The following PARD3 variants were observed in gnomAD, a reference collection of about 807,000 sequenced individuals.
PARD3 encodes the protein partitioning defective 3 homolog.
In PARD3, 75 loss-of-function variants were observed where a neutral mutation model predicts 155.4. That is an observed-to-expected ratio of 0.48 (90% confidence interval 0.40 to 0.58). The LOEUF (loss-of-function observed/expected upper bound fraction) is 0.58, where lower values mean the gene tolerates loss of function less well. Ranked by LOEUF, PARD3 falls within the 20% of genes least tolerant of loss-of-function variation. The probability of loss-of-function intolerance (pLI) is 0.00; values close to 1 mark genes in which losing one functional copy is unlikely to be tolerated. For missense variants in PARD3, 1,642 were observed against 1,721.7 expected (o/e 0.95, Z 0.82); for synonymous variants, 576 against 610.5 (o/e 0.94, Z 0.83).
At chr10:34,672,513 T>G (rs2093627376) in intron 2 of PARD3, among the ~76,000 whole-genome samples, 1 of 152,190 alleles carries the variant, frequency 6.6e-6, no homozygotes, top group African/African-American at 2.4e-5. Context: ...TTATATCCAC[T>G]TTGTATTAAT....
At chr10:34,739,983 TAC>T (rs1393380810) in intron 1 of PARD3, among the ~76,000 whole-genome samples, 2 of 152,078 alleles carry the variant, frequency 1.3e-5, no homozygotes, top group African/African-American at 4.8e-5. Context: ...TTCACCCTCC[TAC>T]ACACTGACCC....
Position 34,725,191 on chromosome 10 carries a change from C to T in PARD3, c.121-28772G>A, listed in dbSNP as rs536694476. 2.4e-4 allele frequency among the ~76,000 whole-genome samples: 37 copies of T among 151,684 alleles called. 1 individual carries two copies. Among genetic ancestry groups the T allele is most frequent in the African/African-American group, 8.7e-4 (36 of 41,332 alleles). ...AGAGAGAGACGGAGTCTCACTCTGT[C>T]GCCCAGGCTGGAGTGCAGTGGCGTG... On this transcript the variant is annotated intron_variant, in intron 1 of 24. Transcript: ENST00000374788.
chr10:34,740,283 G>C (rs757098147), intron 1 of PARD3, among the ~76,000 whole-genome samples: 1 of 152,200 alleles, frequency 6.6e-6, no homozygotes, highest in African/African-American at 2.4e-5. Flanking sequence ...AGAGGGCTCC[G>C]ACAGCCCTCC....
chr10:34,425,409 C>G (rs1037263283), intron 5 of PARD3, among the ~76,000 whole-genome samples: 1 of 152,104 alleles, frequency 6.6e-6, no homozygotes, highest in Non-Finnish European at 1.5e-5. Context: ...AAAATTCCAC[C>G]AATTTGCTTT....
chr10:34,740,257 G>A (rs2094985454), intron 1 of PARD3, among the ~76,000 whole-genome samples: 1 of 152,326 alleles, frequency 6.6e-6, no homozygotes, highest in East Asian at 1.9e-4. Context: ...GAGCCCCCTG[G>A]GAGCTGAGCT....
At chr10:34,218,107 A>G (rs1383802193) in intron 22 of PARD3, among the ~76,000 whole-genome samples, 1 of 152,160 alleles carries the variant, frequency 6.6e-6, no homozygotes, top group Non-Finnish European at 1.5e-5. Flanking sequence ...ATTCAAGACA[A>G]GGAAGGAACA....
intron 2 of PARD3, among the ~76,000 whole-genome samples, chr10:34,653,151 G>A (rs921001099): frequency 6.6e-6 from 1 of 152,070 alleles, no homozygotes; most frequent in Non-Finnish European, 1.5e-5. Flanking sequence ...TCAGAAAAAT[G>A]GTATTTTGGG....
At chr10:34,751,340 G>A (rs1440380909) in intron 1 of PARD3, among the ~76,000 whole-genome samples, 2 of 152,170 alleles carry the variant, frequency 1.3e-5, no homozygotes, top group African/African-American at 4.8e-5. Flanking sequence ...ACAGAGAGGT[G>A]CAGTGGCCAA....
intron 7 of PARD3, among the ~76,000 whole-genome samples, chr10:34,390,105 C>A (rs576283216): frequency 4.0e-5 from 6 of 151,874 alleles, no homozygotes; most frequent in Non-Finnish European, 8.8e-5. Flanking sequence ...AGTTAAATTG[C>A]GTTTTTTTCA....
chr10:34,629,954 A>G (rs561169826), intron 2 of PARD3, among the ~76,000 whole-genome samples: 1 of 152,322 alleles, frequency 6.6e-6, no homozygotes, highest in African/African-American at 2.4e-5. Flanking sequence ...GTATAACAAA[A>G]CAAAACACAC....
intron 5 of PARD3, among the ~76,000 whole-genome samples, chr10:34,447,587 G>T (rs765254174): frequency 6.7e-6 from 1 of 149,026 alleles, no homozygotes; most frequent in Non-Finnish European, 1.5e-5. Context: ...CAGATCATGA[G>T]GTCAATAGAT....
intron 4 of PARD3, among the ~76,000 whole-genome samples, chr10:34,466,222 T>C (rs1249529045): frequency 1.3e-5 from 2 of 152,120 alleles, no homozygotes; most frequent in East Asian, 1.9e-4. Context: ...ACATGAAATA[T>C]TTTAAGAAAT....
At chr10:34,718,774 C>T (rs1337017248) in intron 1 of PARD3, among the ~76,000 whole-genome samples, 1 of 152,138 alleles carries the variant, frequency 6.6e-6, no homozygotes, top group African/African-American at 2.4e-5. Context: ...ACCAGCCTGA[C>T]CAACATGGTG....
intron 5 of PARD3, among the ~76,000 whole-genome samples, chr10:34,421,273 TAA>T (rs1056138205): frequency 2.0e-5 from 3 of 151,612 alleles, no homozygotes; most frequent in East Asian, 1.9e-4. Context: ...TTAACATATA[TAA>T]GTTATTGTAC....
intron 4 of PARD3, among the ~76,000 whole-genome samples, chr10:34,453,577 G>T (rs2077174470): frequency 1.3e-5 from 2 of 152,254 alleles, no homozygotes; most frequent in South Asian, 2.1e-4. Flanking sequence ...ATTGTTTAGG[G>T]AATGCTTCAA....
chr10:34,685,127 T>C (rs2093932668), intron 2 of PARD3, among the ~76,000 whole-genome samples: 1 of 152,212 alleles, frequency 6.6e-6, no homozygotes, highest in African/African-American at 2.4e-5. Context: ...GGTTTTAATT[T>C]ATTCCATTTA....
At chr10:34,357,702 T>C (rs1266042158) in intron 14 of PARD3, among the ~76,000 whole-genome samples, 3 of 152,240 alleles carry the variant, frequency 2.0e-5, no homozygotes, top group Non-Finnish European at 2.9e-5. Flanking sequence ...AATGTTTGTA[T>C]GTCCCACTCT....
At chr10:34,746,729 G>C (rs1444692310) in intron 1 of PARD3, among the ~76,000 whole-genome samples, 1 of 152,130 alleles carries the variant, frequency 6.6e-6, no homozygotes, top group Non-Finnish European at 1.5e-5. Flanking sequence ...TCTGTGTTAA[G>C]TTTCTAGGTT....
intron 1 of PARD3, among the ~76,000 whole-genome samples, chr10:34,760,367 T>C (rs553005230): frequency 1.3e-4 from 20 of 152,316 alleles, no homozygotes; most frequent in Non-Finnish European, 2.5e-4. Context: ...GGTCTCACTG[T>C]GCCACCCAGG....
Sources: gnomAD v4.1 joint callset for allele counts (sites outside exome capture counted in the v4.1 genomes callset) on GRCh38, gnomAD v4.1.1 for gene constraint, MANE v1.5 for transcripts, NCBI Gene and HGNC (gene_info 2026-07-23, HGNC 2026-07-21) for gene names.